Variants in PRKG1 observed in about 807,000 individuals in gnomAD.
The protein encoded by PRKG1 is protein kinase cGMP-dependent 1, also known as cGMP-dependent protein kinase 1.
PRKG1 carries 35 observed loss-of-function variants against 88.1 expected under a neutral mutation model. The ratio of observed to expected loss-of-function variants is 0.40; its 90% CI spans 0.30 to 0.53. The LOEUF (loss-of-function observed/expected upper bound fraction) is 0.53. PRKG1 is among the 20% of genes least tolerant of loss of function. PRKG1 has a pLI of 0.59. For synonymous variants in PRKG1, 303 were observed against 292.5 expected (o/e 1.04, Z -0.37); for missense variants, 540 against 839.8 (o/e 0.64, Z 4.41).
At chr10:51,270,610 G>A (rs1050041729) in intron 2 of PRKG1, among the ~76,000 whole-genome samples, 1 of 152,080 alleles carries the variant, frequency 6.6e-6, no homozygotes, top group African/African-American at 2.4e-5. Context: ...ATTCATGCAA[G>A]CAGGATTTAA....
chr10:51,460,514 A>T (rs978401700), intron 2 of PRKG1, among the ~76,000 whole-genome samples: 1 of 152,164 alleles, frequency 6.6e-6, no homozygotes, highest in Non-Finnish European at 1.5e-5. Flanking sequence ...GGGGATGATT[A>T]GTCTATTTTC....
At chr10:51,176,165 G>T (rs1244702586) in intron 2 of PRKG1, among the ~76,000 whole-genome samples, 2 of 151,960 alleles carry the variant, frequency 1.3e-5, no homozygotes, top group African/African-American at 4.8e-5. Context: ...ATTAAAGTTA[G>T]GTTATTTTTA....
At chr10:52,125,193 G>T (rs1243788444) in intron 7 of PRKG1, among the ~76,000 whole-genome samples, 2 of 152,208 alleles carry the variant, frequency 1.3e-5, no homozygotes, top group Non-Finnish European at 2.9e-5. Context: ...AGCACAGTAG[G>T]TTTGTTTAGG....
chr10:52,124,017 G>A (rs1847878405), intron 7 of PRKG1, among the ~76,000 whole-genome samples: 1 of 152,062 alleles, frequency 6.6e-6, no homozygotes, highest in Non-Finnish European at 1.5e-5. Flanking sequence ...TCTATATGTT[G>A]TGACAGTTGA....
chr10:52,253,802 A>G (rs928822955), intron 10 of PRKG1, among the ~76,000 whole-genome samples: 14 of 151,992 alleles, frequency 9.2e-5, no homozygotes, highest in African/African-American at 1.9e-4. Flanking sequence ...AACTGTAGAT[A>G]TTACTGCTGA....
intron 2 of PRKG1, among the ~76,000 whole-genome samples, chr10:51,367,442 C>CT (rs1368850981): frequency 1.3e-5 from 2 of 151,900 alleles, no homozygotes. Flanking sequence ...TGTACAAATG[C>CT]TGCTGAGGGA....
Position 52,128,662 on chromosome 10 carries a change from T to C in PRKG1, c.936-5178T>C, listed in dbSNP as rs949021050. On this transcript the variant is annotated intron_variant, in intron 7 of 17. Transcript: ENST00000373980. The stretch of plus-strand genomic sequence containing the variant: ...TAGAAGTGGCTTAAAAAGAGGCCAC[T>C]ACTAAACTGCATAGCTTTGATTGTA... 7 of 766,422 alleles carry C rather than the reference T, an allele frequency of 9.1e-6. 1 individual carries two copies. Among genetic ancestry groups the C allele is most frequent in the Non-Finnish European group, 1.1e-5 (7 of 630,476 alleles). 47.5% of individuals were successfully genotyped at this position (766,422 alleles called of 1,614,324 possible). A position where few individuals can be genotyped will look rare whatever the true frequency, so the allele number is the denominator to read the frequency against.
intron 3 of PRKG1, among the ~76,000 whole-genome samples, chr10:51,590,239 AC>A (rs1488384525): frequency 2.0e-4 from 31 of 152,338 alleles, no homozygotes; most frequent in African/African-American, 6.7e-4. Context: ...GCAGAAAAGC[AC>A]CAGTTAGCAA....
At chr10:51,960,120 TC>T (rs1364606191) in intron 5 of PRKG1, among the ~76,000 whole-genome samples, 8 of 125,458 alleles carry the variant, frequency 6.4e-5, no homozygotes, top group Non-Finnish European at 1.3e-4. Flanking sequence ...TACTTTGGTT[TC>T]CTTTTTTTTT....
chr10:51,312,681 A>ATATG lies in PRKG1; in HGVS notation c.479-155040_479-155037dup, dbSNP rs1841219631. On this transcript the variant is annotated intron_variant, in intron 2 of 17. Transcript: ENST00000373980. Reference sequence around the variant, plus strand: ...AAACATAGGGAATGTTCAGATGGATATATGTGTGTGTGTGTGTGTGTATTT... The same window carrying ATATG: ...AAACATAGGGAATGTTCAGATGGATATATGTATGTGTGTGTGTGTGTGTGTATTT... Among the ~76,000 whole-genome samples the ATATG allele has an allele frequency of 2.6e-5, 3 of 117,064 alleles. No individual in the cohort carries two copies. In the South Asian group the frequency reaches 9.3e-4, roughly 36 times the overall value. The allele number at this position is 117,064 out of a possible 152,430, so 76.8% of individuals were successfully genotyped here. A position where few individuals can be genotyped will look rare whatever the true frequency, so the allele number is the denominator to read the frequency against.
chr10:52,108,317 A>G (rs752965970), intron 7 of PRKG1, among the ~76,000 whole-genome samples: 3 of 152,214 alleles, frequency 2.0e-5, no homozygotes, highest in Non-Finnish European at 4.4e-5. Context: ...ATGGCTTTCA[A>G]TCTGTATGAT....
chr10:52,141,009 AT>A (rs1329861757), intron 8 of PRKG1, among the ~76,000 whole-genome samples: 1 of 152,114 alleles, frequency 6.6e-6, no homozygotes, highest in Non-Finnish European at 1.5e-5. Context: ...ATTTTGGTTC[AT>A]TTTCCAGAAT....
At chr10:51,814,682 T>C (rs1422245447) in intron 4 of PRKG1, among the ~76,000 whole-genome samples, 1 of 152,190 alleles carries the variant, frequency 6.6e-6, no homozygotes, top group Non-Finnish European at 1.5e-5. Context: ...TCATTAAAGA[T>C]GACACAAGGA....
intron 4 of PRKG1, among the ~76,000 whole-genome samples, chr10:51,820,692 G>A (rs1208703861): frequency 1.3e-5 from 2 of 152,160 alleles, no homozygotes; most frequent in East Asian, 3.9e-4. Context: ...AAGCGAGACT[G>A]ATTTTTGGCT....
At chr10:51,917,819 A>G (rs111388252) in intron 5 of PRKG1, among the ~76,000 whole-genome samples, 2 of 152,260 alleles carry the variant, frequency 1.3e-5, no homozygotes, top group East Asian at 1.9e-4. Context: ...TTCTCTCCCT[A>G]TAGAGAGGTC....
At chr10:51,054,285 G>C (rs925452569) in intron 1 of PRKG1, among the ~76,000 whole-genome samples, 19 of 151,998 alleles carry the variant, frequency 1.3e-4, no homozygotes, top group African/African-American at 4.1e-4. Flanking sequence ...TTACATAGAA[G>C]GCATCAAGAG....
At chr10:51,236,056 A>G (rs1420677009) in intron 2 of PRKG1, among the ~76,000 whole-genome samples, 2 of 152,174 alleles carry the variant, frequency 1.3e-5, no homozygotes, top group Non-Finnish European at 2.9e-5. Flanking sequence ...CAGTCTAACA[A>G]GATCCCAGAT....
chr10:51,308,926 G>A (rs1017234011), intron 2 of PRKG1, among the ~76,000 whole-genome samples: 5 of 152,118 alleles, frequency 3.3e-5, no homozygotes, highest in Admixed American at 6.6e-5. Context: ...TGGTGCTGAC[G>A]GTATGATGAG....
intron 2 of PRKG1, among the ~76,000 whole-genome samples, chr10:51,290,395 A>G (rs1840553622): frequency 6.6e-6 from 1 of 152,194 alleles, no homozygotes; most frequent in Non-Finnish European, 1.5e-5. Flanking sequence ...CCTAGGAGGC[A>G]GGAGGATTAC....
Sources: gnomAD v4.1 joint callset for allele counts (sites outside exome capture counted in the v4.1 genomes callset) on GRCh38, gnomAD v4.1.1 for gene constraint, MANE v1.5 for transcripts, NCBI Gene and HGNC (gene_info 2026-07-23, HGNC 2026-07-21) for gene names.